AASDH: variants seen among roughly 807,000 people sequenced by gnomAD.
AASDH encodes the protein aminoadipate-semialdehyde dehydrogenase.
AASDH carries 81 observed loss-of-function variants against 102.3 expected under a neutral mutation model. That is an observed-to-expected ratio of 0.79 (90% CI 0.66 to 0.95). The LOEUF is 0.95. Among genes scored for constraint, AASDH ranks in the 40% least tolerant of loss-of-function variants. The probability of loss-of-function intolerance (pLI) is 0.00; values close to 1 mark genes in which losing one functional copy is unlikely to be tolerated. For missense variants in AASDH, 1,203 were observed against 1,266.2 expected, an observed-to-expected ratio of 0.95 and a Z score of 0.76; for synonymous variants, 398 against 454.0, an observed-to-expected ratio of 0.88 and a Z score of 1.57.
At chr4:56,386,799 CAAAAAAAAAAA>C (rs386400124) in intron 1 of AASDH, among the ~76,000 whole-genome samples, 1 of 48,836 alleles carries the variant, frequency 2.0e-5, no homozygotes, top group Non-Finnish European at 3.5e-5. Context: ...GACTCCGTCT[CAAAAAAAAAAA>C]AAAAAAAAAA....
chr4:56,361,504 C>T (rs114148718), intron 5 of AASDH, among the ~76,000 whole-genome samples: 2,421 of 152,120 alleles, frequency 0.016, 73 homozygotes, highest in African/African-American at 0.055. Flanking sequence ...AAGTCAGCAT[C>T]CTTTGCTAGT....
intron 9 of AASDH, among the ~76,000 whole-genome samples, chr4:56,351,984 C>T (rs1041318150): frequency 6.6e-6 from 1 of 150,514 alleles, no homozygotes; most frequent in Non-Finnish European, 1.5e-5. Flanking sequence ...ATCTCAATTT[C>T]AAGAGTTAAG....
chr4:56,354,003 T>A (rs1289976327), intron 8 of AASDH, 36 bp downstream of exon 8: 1 of 1,537,948 alleles, frequency 6.5e-7, no homozygotes, highest in African/African-American at 1.4e-5. Context: ...ACTACTTACA[T>A]ATATTAATAG....
intron 13 of AASDH, 115 bp from the exon 14 acceptor site, chr4:56,343,081 G>A: frequency 6.8e-6 from 7 of 1,030,516 alleles, no homozygotes; most frequent in Non-Finnish European, 9.1e-6. Flanking sequence ...AGAAAATGCT[G>A]TAGTGGTATG....
intron 14 of AASDH, among the ~76,000 whole-genome samples, chr4:56,341,729 A>T (rs1747716765): frequency 6.6e-6 from 1 of 151,986 alleles, no homozygotes; most frequent in Non-Finnish European, 1.5e-5. Flanking sequence ...AAGTGAAATT[A>T]AGCCAGGCCC....
intron 11 of AASDH, among the ~76,000 whole-genome samples, chr4:56,348,443 CAG>C (rs1217803538): frequency 1.3e-5 from 2 of 152,004 alleles, no homozygotes; most frequent in African/African-American, 4.8e-5. Flanking sequence ...TTTGTAGTGA[CAG>C]AGTTTCTGCA....
intron 11 of AASDH, among the ~76,000 whole-genome samples, chr4:56,346,500 C>T (rs1405772530): frequency 6.6e-6 from 1 of 151,838 alleles, no homozygotes; most frequent in African/African-American, 2.4e-5. Context: ...AAAGCATGAC[C>T]CATTAAAAAA....
At chr4:56,346,098 TG>T (rs1560567692) in intron 11 of AASDH, among the ~76,000 whole-genome samples, 1 of 152,144 alleles carries the variant, frequency 6.6e-6, no homozygotes, top group Non-Finnish European at 1.5e-5. Context: ...ATAACCTAAC[TG>T]GAAGTAGAGA....
chr4:56,386,230 T>C (rs1408990409), intron 1 of AASDH, among the ~76,000 whole-genome samples: 1 of 152,214 alleles, frequency 6.6e-6, no homozygotes. Context: ...ATGATCATTA[T>C]GTAAATATAA....
intron 4 of AASDH, among the ~76,000 whole-genome samples, chr4:56,373,103 C>T (rs1751938019): frequency 6.6e-6 from 1 of 152,156 alleles, no homozygotes; most frequent in Non-Finnish European, 1.5e-5. Flanking sequence ...CCAGCTCTTA[C>T]ATATTAAGGT....
intron 10 of AASDH, among the ~76,000 whole-genome samples, chr4:56,350,405 G>C (rs1748864019): frequency 6.6e-6 from 1 of 152,038 alleles, no homozygotes; most frequent in Admixed American, 6.6e-5. Flanking sequence ...AGTGAGCCAA[G>C]ATTGCGCCAC....
chr4:56,347,533 T>C (rs1200008489), intron 11 of AASDH, among the ~76,000 whole-genome samples: 1 of 152,168 alleles, frequency 6.6e-6, no homozygotes, highest in African/African-American at 2.4e-5. Context: ...ATATTCCTAA[T>C]AGAGTAAAAG....
Position 56,382,506 on chromosome 4 carries a change from A to C in AASDH, c.322T>G (p.Tyr108Asp). The change falls in exon 3 of 15, where the codon TAT becomes GAT. Residue 108 changes from tyrosine (Y) to aspartate (D), a missense_variant. Physicochemically the swap from Tyr to Asp is radical, Grantham distance 160 (BLOSUM62 -3). Coordinates refer to ENST00000205214, the MANE Select transcript of AASDH (RefSeq NM_181806.4). ...ATTTGTTTTTTTTCAACAAGGATAT[A>C]CTTTAGATTACATTTTTTCATAAAA... is the stretch of plus-strand genomic sequence containing the variant. ...THFMKKCNLK[Y>D]ILVEKKQINK... 6.3e-7 allele frequency: 1 copy of C among 1,594,348 alleles called. No individual in the cohort carries two copies. The highest frequency in any genetic ancestry group is 1.1e-5 in the South Asian group (1 of 89,892).
In AASDH at chr4:56,354,241, A is replaced by C. The variant is rs774780612; in HGVS notation, c.1211-30T>G. Reference sequence around the variant, plus strand: ...CCAAGATATAAACACCAATGTCATAAAAATCCAAGGGAAATATATTAAAAA... The same window carrying C: ...CCAAGATATAAACACCAATGTCATACAAATCCAAGGGAAATATATTAAAAA... On this transcript the variant is annotated intron_variant, in intron 7 of 14. Transcript: ENST00000205214. 6.2e-5 allele frequency: 93 copies of C among 1,495,180 alleles called. No individual in the cohort carries two copies. In the Middle Eastern group the frequency reaches 1.1e-3, roughly 17 times the overall value. 92.6% of individuals were successfully genotyped at this position (1,495,180 alleles called of 1,614,324 possible). A position where few individuals can be genotyped will look rare whatever the true frequency, so the allele number is the denominator to read the frequency against.
intron 5 of AASDH, among the ~76,000 whole-genome samples, chr4:56,358,325 G>A (rs1187664332): frequency 1.3e-5 from 2 of 151,308 alleles, no homozygotes; most frequent in Admixed American, 6.6e-5. Flanking sequence ...CCTGTCCAAT[G>A]TAAGTATCTT....
chr4:56,383,322 C>T (rs922305749), intron 2 of AASDH, among the ~76,000 whole-genome samples: 5 of 152,036 alleles, frequency 3.3e-5, no homozygotes, highest in Non-Finnish European at 7.4e-5. Flanking sequence ...CTTGTGAAGT[C>T]ACCAGGGTGG....
intron 11 of AASDH, 42 bp from the exon 12 acceptor site, chr4:56,345,332 T>C (rs1748206448): frequency 1.9e-6 from 3 of 1,560,234 alleles, no homozygotes; most frequent in African/African-American, 1.4e-5. Context: ...ATAGATATAT[T>C]ACTGGAAAAT....
intron 2 of AASDH, among the ~76,000 whole-genome samples, chr4:56,383,731 G>A (rs1404799406): frequency 6.6e-6 from 1 of 152,056 alleles, no homozygotes; most frequent in Non-Finnish European, 1.5e-5. Flanking sequence ...ACATAGTCAT[G>A]TTATCTGTGA....
Position 56,342,884 on chromosome 4 carries a change from A to G in AASDH, c.2858T>C (p.Ile953Thr), listed in dbSNP as rs1250983074. Residue 953 changes from isoleucine to threonine, a missense_variant, in exon 14 of 15, where the codon ATT becomes ACT. Ile to Thr is a moderately conservative substitution (Grantham distance 89, BLOSUM62 -1). Coordinates refer to ENST00000205214, the MANE Select transcript of AASDH (RefSeq NM_181806.4). Reference sequence around the variant, plus strand: ...GAGTAAATTCCCATCTACACAGCCAATACAAATATACTGTGAGCAACATTG... The same window carrying G: ...GAGTAAATTCCCATCTACACAGCCAGTACAAATATACTGTGAGCAACATTG... Reference protein sequence around the residue: ...SPQCCSQYICIGCVDGNLLCF... With the variant: ...SPQCCSQYICTGCVDGNLLCF... 1 of 1,577,322 alleles carries G rather than the reference A, an allele frequency of 6.3e-7. No homozygotes were observed.
Sources: gnomAD v4.1 joint callset for allele counts (sites outside exome capture counted in the v4.1 genomes callset) on GRCh38, gnomAD v4.1.1 for gene constraint, MANE v1.5 for transcripts, NCBI Gene and HGNC (gene_info 2026-07-23, HGNC 2026-07-21) for gene names.